The following MACROD2 variants were observed in gnomAD, a reference collection of about 807,000 sequenced individuals.
The protein encoded by MACROD2 is mono-ADP ribosylhydrolase 2, also known as ADP-ribose glycohydrolase MACROD2.
In MACROD2, 36 loss-of-function variants were observed where a neutral mutation model predicts 70.4. That is an observed-to-expected ratio of 0.51 (90% CI 0.39 to 0.68). The LOEUF (loss-of-function observed/expected upper bound fraction) is 0.68, where lower values mean the gene tolerates loss of function less well. MACROD2 is among the 30% of genes least tolerant of loss of function. The pLI, the probability that MACROD2 is intolerant of heterozygous loss-of-function variation, is 0.00. For synonymous variants in MACROD2, 172 were observed against 178.8 expected (o/e 0.96, Z 0.30); for missense variants, 496 against 538.4 (o/e 0.92, Z 0.78).
intron 3 of MACROD2, among the ~76,000 whole-genome samples, chr20:14,093,327 TC>T (rs997504231): frequency 1.3e-5 from 2 of 152,198 alleles, no homozygotes; most frequent in Non-Finnish European, 2.9e-5. Flanking sequence ...CTTCAAGCGA[TC>T]CTACTACCTA....
At chr20:15,020,799 A>G (rs1312207337) in intron 5 of MACROD2, among the ~76,000 whole-genome samples, 1 of 151,980 alleles carries the variant, frequency 6.6e-6, no homozygotes, top group Non-Finnish European at 1.5e-5. Context: ...CAGCAAAAAT[A>G]CAGTATTATA....
chr20:15,006,139 ATATGTGTGTGTGTGTG>A (rs1159902352), intron 5 of MACROD2, among the ~76,000 whole-genome samples: 19 of 95,106 alleles, frequency 2.0e-4, no homozygotes, highest in Admixed American at 4.2e-4. Context: ...TTATATATAT[ATATGTGTGTGTGTGTG>A]TGTGTGTGTG....
At chr20:15,242,083 T>G (rs910852201) in intron 6 of MACROD2, among the ~76,000 whole-genome samples, 4 of 152,152 alleles carry the variant, frequency 2.6e-5, no homozygotes, top group African/African-American at 9.7e-5. Context: ...TAATCAGTAA[T>G]GAGATATGTC....
At chr20:14,726,595 A>G (rs1794552967) in intron 5 of MACROD2, among the ~76,000 whole-genome samples, 1 of 152,210 alleles carries the variant, frequency 6.6e-6, no homozygotes, top group African/African-American at 2.4e-5. Flanking sequence ...AATATGCCAG[A>G]CACTGCCCTA....
intron 3 of MACROD2, among the ~76,000 whole-genome samples, chr20:14,467,662 C>T (rs2084473298): frequency 6.6e-6 from 1 of 152,012 alleles, no homozygotes; most frequent in Non-Finnish European, 1.5e-5. Context: ...ATTCGGCTAT[C>T]TTGGCTCCAC....
intron 3 of MACROD2, among the ~76,000 whole-genome samples, chr20:14,343,883 T>A (rs1009037393): frequency 1.3e-5 from 2 of 152,256 alleles, no homozygotes; most frequent in African/African-American, 4.8e-5. Flanking sequence ...AGCCAGCTAC[T>A]GCTGTCAGTT....
chr20:14,293,419 A>G (rs2082401741), intron 3 of MACROD2, among the ~76,000 whole-genome samples: 1 of 151,854 alleles, frequency 6.6e-6, no homozygotes, highest in Non-Finnish European at 1.5e-5. Flanking sequence ...TATTAGTAAG[A>G]ATGATCAGAA....
intron 5 of MACROD2, among the ~76,000 whole-genome samples, chr20:15,072,935 A>T (rs531652328): frequency 6.6e-6 from 1 of 152,122 alleles, no homozygotes; most frequent in Non-Finnish European, 1.5e-5. Flanking sequence ...ATCCTCATGA[A>T]TAGGTTAATG....
At chr20:15,861,611 A>G (rs1396066512) in intron 8 of MACROD2, among the ~76,000 whole-genome samples, 1 of 152,206 alleles carries the variant, frequency 6.6e-6, no homozygotes, top group Non-Finnish European at 1.5e-5. Context: ...GTCTACCCTA[A>G]GTGAGGTCTA....
At position 15,408,568 on chromosome 20, in the gene MACROD2, C is replaced by T. The variant is rs114581510; in HGVS notation, c.541-22837C>T. Among the ~76,000 whole-genome samples, 1,417 of 152,260 alleles carry T rather than the reference C, an allele frequency of 9.3e-3. 19 individuals carry two copies. The highest frequency in any genetic ancestry group is 0.032 in the African/African-American group (1,324 of 41,548). On this transcript the variant is annotated intron_variant, in intron 6 of 17. Transcript: ENST00000684519. ...TGTGAAGATTCCAGAAGAAGTGAAT[C>T]GGAGCAAAGTCCTCACTAAATGAAA... is the stretch of plus-strand genomic sequence containing the variant.
At chr20:15,205,027 G>A (rs897615421) in intron 5 of MACROD2, among the ~76,000 whole-genome samples, 2 of 152,140 alleles carry the variant, frequency 1.3e-5, no homozygotes, top group African/African-American at 2.4e-5. Flanking sequence ...GTGAGGAAGT[G>A]TGTCTAATAA....
intron 3 of MACROD2, among the ~76,000 whole-genome samples, chr20:14,461,229 T>C (rs1453381388): frequency 6.6e-6 from 1 of 152,120 alleles, no homozygotes; most frequent in Non-Finnish European, 1.5e-5. Context: ...ATTTATAGTA[T>C]TCTCTGATGG....
chr20:15,862,883 T>TC, intron 9 of MACROD2, 57 bp downstream of exon 9: 11 of 1,236,138 alleles, frequency 8.9e-6, no homozygotes, highest in African/African-American at 1.5e-5. Flanking sequence ...AGTGGAGCCG[T>TC]CACTTCTATT....
chr20:14,446,261 A>C (rs1369927651), intron 3 of MACROD2, among the ~76,000 whole-genome samples: 2 of 152,092 alleles, frequency 1.3e-5, no homozygotes, highest in Non-Finnish European at 2.9e-5. Context: ...ATTTTCTGCT[A>C]TTCACTGCTT....
At chr20:14,695,912 G>A (rs1193996948) in intron 5 of MACROD2, among the ~76,000 whole-genome samples, 8 of 152,142 alleles carry the variant, frequency 5.3e-5, no homozygotes, top group Non-Finnish European at 7.3e-5. Flanking sequence ...AATTTGTTAC[G>A]TAGCAATAGG....
chr20:15,845,068 G>A (rs988819136), intron 8 of MACROD2, among the ~76,000 whole-genome samples: 1 of 152,062 alleles, frequency 6.6e-6, no homozygotes, highest in African/African-American at 2.4e-5. Context: ...TTAAAGTCAA[G>A]GTTTTGGAGG....
intron 5 of MACROD2, among the ~76,000 whole-genome samples, chr20:14,843,446 A>G (rs2060175707): frequency 1.3e-5 from 2 of 152,044 alleles, no homozygotes; most frequent in African/African-American, 2.4e-5. Context: ...GAGAATGCAT[A>G]CATGTGGCAG....
rs893464753 is a variant in MACROD2 at position 15,848,485 on chromosome 20, C to A, written c.646-14260C>A. On this transcript the variant is annotated intron_variant, in intron 8 of 17. Transcript: ENST00000684519. The stretch of plus-strand genomic sequence containing the variant: ...TACTAAAAGACCATGTGACAAAACC[C>A]AAATTTAAATAAAATTTTGTAGGGG... Among the ~76,000 whole-genome samples the A allele has an allele frequency of 4.6e-5, 7 of 152,224 alleles. No homozygotes were observed. The South Asian group carries it at 1.5e-3, about 32-fold the overall frequency.
At chr20:15,591,870 C>T (rs993374256) in intron 8 of MACROD2, among the ~76,000 whole-genome samples, 3 of 152,062 alleles carry the variant, frequency 2.0e-5, no homozygotes, top group African/African-American at 4.8e-5. Flanking sequence ...ACAATGATAA[C>T]ATGAATTGTA....
Sources: allele counts gnomAD v4.1 joint callset (sites outside exome capture counted in the v4.1 genomes callset), GRCh38; gene constraint gnomAD v4.1.1; transcripts MANE v1.5; gene names NCBI Gene and HGNC (gene_info 2026-07-23, HGNC 2026-07-21).